Variants in ASTN2 observed in about 807,000 individuals in gnomAD.
The protein encoded by ASTN2 is astrotactin 2.
In ASTN2, 54 loss-of-function variants were observed where a neutral mutation model predicts 139.8. The observed-to-expected ratio is 0.39, with a 90% CI of 0.31 to 0.48. The LOEUF (loss-of-function observed/expected upper bound fraction) is 0.48. Ranked by LOEUF, ASTN2 falls within the 20% of genes least tolerant of loss-of-function variation. ASTN2 has a pLI of 0.95. For missense variants in ASTN2, 1,565 were observed against 1,725.1 expected (o/e 0.91, Z 1.64); for synonymous variants, 756 against 719.5 (o/e 1.05, Z -0.81).
At chr9:116,804,332 C>T (rs575526106) in intron 13 of ASTN2, among the ~76,000 whole-genome samples, 3 of 152,092 alleles carry the variant, frequency 2.0e-5, no homozygotes, top group Non-Finnish European at 4.4e-5. Flanking sequence ...GGATTAATTT[C>T]TCAATTGTAA....
intron 16 of ASTN2, among the ~76,000 whole-genome samples, chr9:116,706,760 A>ATTTTTTTTTTTTT (rs60395133): frequency 5.7e-5 from 5 of 88,058 alleles, no homozygotes; most frequent in Non-Finnish European, 1.1e-4. Context: ...GCTGGCTAGA[A>ATTTTTTTTTTTTT]TTTTTTTTTT....
At chr9:117,127,982 G>GT (rs1366611981) in intron 4 of ASTN2, among the ~76,000 whole-genome samples, 10 of 151,996 alleles carry the variant, frequency 6.6e-5, no homozygotes, top group Admixed American at 2.0e-4. Context: ...TCCCGGCCGG[G>GT]TTTTTTAAAG....
chr9:116,891,866 G>A (rs12000706), intron 10 of ASTN2, among the ~76,000 whole-genome samples: 8,135 of 152,224 alleles, frequency 0.053, 743 homozygotes, highest in African/African-American at 0.18. Flanking sequence ...TTGTGAGGAT[G>A]AAATGAATTG....
chr9:117,342,099 T>C (rs1829078638), intron 1 of ASTN2, among the ~76,000 whole-genome samples: 1 of 152,194 alleles, frequency 6.6e-6, no homozygotes, highest in African/African-American at 2.4e-5. Flanking sequence ...AGCATCTCCA[T>C]TTCATGTCAT....
At chr9:116,849,139 G>A (rs1832520862) in intron 11 of ASTN2, among the ~76,000 whole-genome samples, 1 of 152,206 alleles carries the variant, frequency 6.6e-6, no homozygotes, top group Non-Finnish European at 1.5e-5. Context: ...TCCATGCCCT[G>A]TCTGAGCACA....
At chr9:116,591,361 CCTGA>C (rs1169386742) in intron 19 of ASTN2, among the ~76,000 whole-genome samples, 2 of 152,202 alleles carry the variant, frequency 1.3e-5, no homozygotes, top group East Asian at 1.9e-4. Flanking sequence ...AGCCAGAGTG[CCTGA>C]CTATGTGCAG....
chr9:117,121,070 G>T (rs1041289231), intron 4 of ASTN2, among the ~76,000 whole-genome samples: 1 of 152,132 alleles, frequency 6.6e-6, no homozygotes, highest in African/African-American at 2.4e-5. Context: ...ATCTCTATCT[G>T]GTAAAATTAT....
At chr9:117,125,972 A>G (rs1481953122) in intron 4 of ASTN2, among the ~76,000 whole-genome samples, 1 of 152,190 alleles carries the variant, frequency 6.6e-6, no homozygotes, top group Non-Finnish European at 1.5e-5. Context: ...TGATGGGGAC[A>G]ATTAGACCTT....
chr9:117,014,947 G>C (rs1012771490), intron 6 of ASTN2, among the ~76,000 whole-genome samples: 3 of 152,094 alleles, frequency 2.0e-5, no homozygotes, highest in African/African-American at 7.2e-5. Flanking sequence ...AAGCAACTCA[G>C]GCTATGAAAC....
intron 10 of ASTN2, among the ~76,000 whole-genome samples, chr9:116,898,143 G>C (rs117324367): frequency 1.3e-5 from 2 of 152,014 alleles, no homozygotes; most frequent in Admixed American, 6.6e-5. Context: ...GCATTGGCTC[G>C]TGTCTGTAAT....
chr9:117,373,153 TA>T (rs1295524671), intron 1 of ASTN2, among the ~76,000 whole-genome samples: 2 of 152,328 alleles, frequency 1.3e-5, no homozygotes, highest in Non-Finnish European at 2.9e-5. Flanking sequence ...AAAATTTATC[TA>T]ATTTTATGCC....
intron 3 of ASTN2, among the ~76,000 whole-genome samples, chr9:117,148,815 G>A (rs1830261484): frequency 6.6e-6 from 1 of 152,080 alleles, no homozygotes; most frequent in Non-Finnish European, 1.5e-5. Flanking sequence ...CTGTGCATGA[G>A]CCTCATCCAC....
chr9:117,383,773 C>T (rs1003205824), intron 1 of ASTN2, among the ~76,000 whole-genome samples: 3 of 152,140 alleles, frequency 2.0e-5, no homozygotes, highest in East Asian at 3.8e-4. Context: ...GAAATAATTG[C>T]TTTGCACAAT....
intron 5 of ASTN2, among the ~76,000 whole-genome samples, chr9:117,043,907 C>CAAAAAAAAAAAAAAAAAAAAAAAAAAAAA (rs10713427): frequency 8.4e-6 from 1 of 119,356 alleles, no homozygotes. Context: ...GACTCTGTCT[C>CAAAAAAAAAAAAAAAAAAAAAAAAAAAAA]AAAAAAAAAA....
At chr9:117,206,564 G>T (rs974405512) in intron 3 of ASTN2, among the ~76,000 whole-genome samples, 1 of 152,092 alleles carries the variant, frequency 6.6e-6, no homozygotes, top group Non-Finnish European at 1.5e-5. Flanking sequence ...AATAGCCATG[G>T]CACCTCTCCA....
intron 16 of ASTN2, among the ~76,000 whole-genome samples, chr9:116,723,464 A>G (rs1227645147): frequency 6.6e-6 from 1 of 152,150 alleles, no homozygotes; most frequent in East Asian, 1.9e-4. Context: ...ATCCCACTTC[A>G]GCACTGCACT....
chr9:116,464,984 A>G (rs531620238), intron 20 of ASTN2, among the ~76,000 whole-genome samples: 1 of 152,364 alleles, frequency 6.6e-6, no homozygotes, highest in Admixed American at 6.5e-5. Flanking sequence ...AGGTCACTGC[A>G]GGTCTTTCCC....
chr9:117,200,996 CTTTTTTT>C (rs777675838), intron 3 of ASTN2, among the ~76,000 whole-genome samples: 36 of 94,972 alleles, frequency 3.8e-4, no homozygotes, highest in Middle Eastern at 9.4e-3. Flanking sequence ...TGGTCCTGGG[CTTTTTTT>C]TTTTTTTTTT....
Position 116,737,610 on chromosome 9 carries a change from C to CGTGTGTGTGTGTGT in ASTN2, c.2397-4101_2397-4088dup, listed in dbSNP as rs57891581. ...AGTTATGCTGTAGCTCATGTGCCAA[C>CGTGTGTGTGTGTGT]GTGTGTGTGTGTGTGTGTGTGTGTG... is the stretch of plus-strand genomic sequence containing the variant. On this transcript the variant is annotated intron_variant, in intron 13 of 22. Transcript: ENST00000313400. Among the ~76,000 whole-genome samples the CGTGTGTGTGTGTGT allele has an allele frequency of 8.4e-3, 1,152 of 137,326 alleles. 13 individuals carry two copies. Among genetic ancestry groups the CGTGTGTGTGTGTGT allele is most frequent in the Non-Finnish European group, 0.012 (776 of 64,438 alleles). 90.1% of individuals were successfully genotyped at this position (137,326 alleles called of 152,430 possible). A position where few individuals can be genotyped will look rare whatever the true frequency, so the allele number is the denominator to read the frequency against.
Sources: allele counts gnomAD v4.1 joint callset (sites outside exome capture counted in the v4.1 genomes callset), GRCh38; gene constraint gnomAD v4.1.1; transcripts MANE v1.5; gene names NCBI Gene and HGNC (gene_info 2026-07-23, HGNC 2026-07-21).